The following CCNB3 variants were observed in gnomAD, a reference collection of about 807,000 sequenced individuals.
The protein encoded by CCNB3 is G2/mitotic-specific cyclin-B3.
CCNB3 carries 12 observed loss-of-function variants against 68.0 expected under a neutral mutation model. That is an observed-to-expected ratio of 0.18 (90% CI 0.11 to 0.29). The LOEUF (loss-of-function observed/expected upper bound fraction) is 0.29. Ranked by LOEUF, CCNB3 falls within the 10% of genes least tolerant of loss-of-function variation. The pLI is 1.00. For missense variants in CCNB3, 904 were observed against 993.1 expected (o/e 0.91, Z 1.21); for synonymous variants, 354 against 388.9 (o/e 0.91, Z 1.06).
chrX:50,218,970 C>T (rs1466657944), intron 1 of CCNB3, among the ~76,000 whole-genome samples: 1 of 111,889 alleles, frequency 8.9e-6, no homozygotes. Flanking sequence ...GCCATTCCAA[C>T]TGGCATGAGA....
chrX:50,205,689 C>T (rs1935345764), intron 1 of CCNB3, among the ~76,000 whole-genome samples: 1 of 111,028 alleles, frequency 9.0e-6, no homozygotes, highest in South Asian at 3.8e-4. Context: ...GGCGCAGTGG[C>T]TCACGCCTGT....
intron 1 of CCNB3, among the ~76,000 whole-genome samples, chrX:50,222,192 ACACC>A (rs1935684617): frequency 9.0e-6 from 1 of 111,266 alleles, no homozygotes; most frequent in Admixed American, 9.6e-5. Context: ...TGAATACAGC[ACACC>A]GATGGGTCTT....
In CCNB3 at chrX:50,310,951, G is replaced by A. The variant is rs782758904; in HGVS notation, c.2782G>A (p.Glu928Lys). The A allele has an allele frequency of 3.8e-5, 46 of 1,210,526 alleles. No homozygotes were observed. In the South Asian group the frequency reaches 5.1e-4, roughly 13 times the overall value. ...TACCATCAATGAGGCAGTCCTCTTC[G>A]AAGATATGATAGCTCTGAATGAGAA... ...MSTINEAVLFEDMIALNEKPT... is the reference protein window; with the variant it reads ...MSTINEAVLFKDMIALNEKPT... Residue 928 changes from glutamate (E) to lysine (K), a missense_variant, in exon 6 of 13, where the codon GAA (glutamate) becomes AAA (lysine). Physicochemically the swap from Glu to Lys is moderately conservative, Grantham distance 56. Around this residue, in one of 2 missense-constraint regions of CCNB3, gnomAD observed 285 missense variants for 383.4 expected, o/e 0.74. Transcript: ENST00000376042.
chrX:50,305,872 G>T lies in CCNB3; in HGVS notation c.336-2633G>T, dbSNP rs189929851. ...GCTCACTCTAACCTCCACCTCCCAGGTTCAAGTGATTCTCATGCCTCAGCC... is the reference window on the plus strand; with the variant it reads ...GCTCACTCTAACCTCCACCTCCCAGTTTCAAGTGATTCTCATGCCTCAGCC... On this transcript the variant is annotated intron_variant, in intron 5 of 12. Transcript: ENST00000376042. Among the ~76,000 whole-genome samples, 207 of 97,508 alleles carry T rather than the reference G, an allele frequency of 2.1e-3. 1 individual carries two copies. The highest frequency in any genetic ancestry group is 7.6e-3 in the African/African-American group (200 of 26,204). The allele number at this position is 97,508 out of a possible 115,157, so 84.7% of individuals were successfully genotyped here.
At chrX:50,284,803 C>T (rs1936206435) in intron 2 of CCNB3, among the ~76,000 whole-genome samples, 187 bp downstream of exon 2, 1 of 111,507 alleles carries the variant, frequency 9.0e-6, no homozygotes, top group African/African-American at 3.3e-5. Context: ...AGGGGCTAGA[C>T]AACATCCCAG....
intron 10 of CCNB3, 42 bp from the exon 11 acceptor site, chrX:50,347,584 T>C (rs1431374809): frequency 1.7e-6 from 2 of 1,176,382 alleles, no homozygotes; most frequent in Non-Finnish European, 2.3e-6. Context: ...TGGTGCCAGT[T>C]TTCTAAATTG....
chrX:50,311,746 C>T (rs1557215085), intron 6 of CCNB3, among the ~76,000 whole-genome samples: 1 of 110,368 alleles, frequency 9.1e-6, no homozygotes, highest in East Asian at 2.9e-4. Context: ...CATCTCTTCT[C>T]ACCTTTTGTA....
intron 8 of CCNB3, among the ~76,000 whole-genome samples, chrX:50,324,464 G>A (rs782664546): frequency 2.7e-4 from 30 of 111,804 alleles, no homozygotes; most frequent in Admixed American, 3.8e-4. Context: ...CACTCATTGC[G>A]TGATGTGTTA....
upstream of CCNB3, among the ~76,000 whole-genome samples, chrX:50,203,335 C>T (rs1935295809): frequency 8.9e-6 from 1 of 112,336 alleles, no homozygotes; most frequent in Non-Finnish European, 1.9e-5. Context: ...GAACCATCAG[C>T]CTTCATGAAA....
chrX:50,212,575 G>T, intron 1 of CCNB3, among the ~76,000 whole-genome samples: 1 of 110,888 alleles, frequency 9.0e-6, no homozygotes, highest in Non-Finnish European at 1.9e-5. Context: ...TTAGTATCCT[G>T]TGTCACAGAG....
chrX:50,318,092 A>G (rs1921827799), intron 8 of CCNB3, among the ~76,000 whole-genome samples: 1 of 110,251 alleles, frequency 9.1e-6, no homozygotes, highest in African/African-American at 3.3e-5. Flanking sequence ...GTGGGTCTAT[A>G]CCAATATTCT....
chrX:50,226,911 A>T (rs1325911073), intron 1 of CCNB3, among the ~76,000 whole-genome samples: 3 of 55,811 alleles, frequency 5.4e-5, no homozygotes, highest in African/African-American at 3.0e-4. Flanking sequence ...TAGAATATAT[A>T]GTATATATAT....
In CCNB3 at chrX:50,331,474, C is replaced by T. The variant is rs146758555; in HGVS notation, c.3517-10728C>T. 6.4e-3 allele frequency among the ~76,000 whole-genome samples: 719 copies of T among 111,852 alleles called. 4 individuals carry two copies. The highest frequency in any genetic ancestry group is 0.022 in the African/African-American group (669 of 30,729). On this transcript the variant is annotated intron_variant, in intron 8 of 12. Coordinates refer to ENST00000376042, the MANE Select transcript of CCNB3 (RefSeq NM_033031.3). ...ACGGGGTGAGTGAATTCTTTTCCCT[C>T]TCTAGCTATGCAATATTGTCCAATA...
intron 1 of CCNB3, among the ~76,000 whole-genome samples, chrX:50,214,725 T>C (rs1377364022): frequency 1.7e-4 from 17 of 102,647 alleles, no homozygotes; most frequent in Admixed American, 4.4e-4. Context: ...TAAAAATGAA[T>C]ATATCTATTT....
chrX:50,338,537 A>G (rs1169814523), intron 8 of CCNB3, among the ~76,000 whole-genome samples: 2 of 111,914 alleles, frequency 1.8e-5, no homozygotes, highest in Admixed American at 9.5e-5. Context: ...TTTTCCATAC[A>G]ATGTCTGGTA....
chrX:50,348,710 C>T (rs1923528412), intron 11 of CCNB3, among the ~76,000 whole-genome samples: 1 of 112,662 alleles, frequency 8.9e-6, no homozygotes, highest in South Asian at 3.6e-4. Flanking sequence ...ATGATAGTAC[C>T]GTTATCCCTG....
intron 11 of CCNB3, 23 bp from the exon 12 acceptor site, chrX:50,351,218 A>G (rs782808677): frequency 8.3e-7 from 1 of 1,209,973 alleles, no homozygotes; most frequent in Non-Finnish European, 1.1e-6. Flanking sequence ...AGTAGAAATC[A>G]CTATTCATGC....
Position 50,311,449 on chromosome X carries a change from G to C in CCNB3, c.3280G>C (p.Ala1094Pro). 8.3e-7 allele frequency: 1 copy of C among 1,210,541 alleles called. No homozygotes were observed. The highest frequency in any genetic ancestry group is 1.1e-6 in the Non-Finnish European group (1 of 895,134). The change falls in exon 6 of 13, where the codon GCT becomes CCT. Residue 1094 changes from alanine to proline, a missense_variant. By Grantham distance (27) the Ala-to-Pro change is conservative (BLOSUM62 -1). This residue lies in a region of CCNB3 where 285 missense variants were observed against 383.4 expected (regional missense o/e 0.74). Coordinates refer to ENST00000376042, the MANE Select transcript of CCNB3 (RefSeq NM_033031.3). ...CACCGAGTCCAGTGCATGTGAATCT[G>C]CTTCTGATAAACCTGTCTCACCACA... ...TTTESSACES[A>P]SDKPVSPQAK...
Position 50,310,521 on chromosome X carries a change from C to T in CCNB3, c.2352C>T (p.Ala784=). ...AGTTCCTTAATAAGCAGCCACTGGCCTTGGAGGGGTATCCCAGCATTGCGG... is the reference window on the plus strand; with the variant it reads ...AGTTCCTTAATAAGCAGCCACTGGCTTTGGAGGGGTATCCCAGCATTGCGG... ...EEEFLNKQPL[A]LEGYPSIAEG... is the part of the protein sequence containing the mutation. Residue 784 remains alanine (A), a synonymous_variant, in exon 6 of 13, where the codon GCC becomes GCT. Transcript: ENST00000376042. 1 of 1,210,892 alleles carries T rather than the reference C, an allele frequency of 8.3e-7. No individual in the cohort carries two copies. Among genetic ancestry groups the T allele is most frequent in the Non-Finnish European group, 1.1e-6 (1 of 894,990 alleles).
Sources: gnomAD v4.1 joint callset for allele counts (sites outside exome capture counted in the v4.1 genomes callset) on GRCh38, gnomAD v4.1.1 for gene constraint, gnomAD v4.1.1 regional missense constraint, MANE v1.5 for transcripts, NCBI Gene and HGNC (gene_info 2026-07-23, HGNC 2026-07-21) for gene names.